Variants in CNTN1 observed in about 807,000 individuals in gnomAD.
CNTN1 encodes the protein contactin 1, also known as contactin-1.
Under a neutral mutation model 126.4 loss-of-function variants are expected in CNTN1, and 38 were observed. The observed-to-expected ratio is 0.30, with a 90% CI of 0.23 to 0.39. CNTN1 has a LOEUF of 0.39. Ranked by LOEUF, CNTN1 falls within the 10% of genes least tolerant of loss-of-function variation. The pLI is 1.00. For missense variants in CNTN1, 1,009 were observed against 1,248.4 expected (o/e 0.81, Z 2.89); for synonymous variants, 413 against 422.6 (o/e 0.98, Z 0.28).
chr12:40,952,013 A>T (rs1946707980), intron 14 of CNTN1, among the ~76,000 whole-genome samples: 1 of 152,144 alleles, frequency 6.6e-6, no homozygotes, highest in East Asian at 1.9e-4. Context: ...TGGCTGGTTT[A>T]TAGATGGTGA....
intron 23 of CNTN1, among the ~76,000 whole-genome samples, chr12:41,049,889 T>G (rs1949632731): frequency 6.6e-6 from 1 of 152,210 alleles, no homozygotes. Context: ...ATTTAACTAA[T>G]TAAGATGTCT....
chr12:40,789,935 A>G (rs1471809299), intron 1 of CNTN1, among the ~76,000 whole-genome samples: 1 of 152,208 alleles, frequency 6.6e-6, no homozygotes, highest in Non-Finnish European at 1.5e-5. Flanking sequence ...CTTACTTTTT[A>G]GATTTACACC....
intron 1 of CNTN1, among the ~76,000 whole-genome samples, chr12:40,863,814 T>C (rs555077768): frequency 6.6e-6 from 1 of 151,986 alleles, no homozygotes; most frequent in African/African-American, 2.4e-5. Context: ...GTGGAAAAAT[T>C]GTCTTCCACA....
At chr12:40,850,637 T>C (rs945726285) in intron 1 of CNTN1, among the ~76,000 whole-genome samples, 5 of 152,154 alleles carry the variant, frequency 3.3e-5, no homozygotes, top group Non-Finnish European at 7.4e-5. Context: ...AGCGATGATA[T>C]TAAAATATGA....
chr12:40,900,933 G>A (rs1944579829), intron 1 of CNTN1, among the ~76,000 whole-genome samples: 3 of 152,200 alleles, frequency 2.0e-5, no homozygotes, highest in Admixed American at 6.5e-5. Context: ...CTCTGTTGTC[G>A]ATGATTTACA....
At chr12:40,994,190 C>T (rs1356476322) in intron 17 of CNTN1, among the ~76,000 whole-genome samples, 1 of 151,864 alleles carries the variant, frequency 6.6e-6, no homozygotes, top group African/African-American at 2.4e-5. Context: ...CAACAAAATT[C>T]CAAGAAAGAA....
intron 17 of CNTN1, among the ~76,000 whole-genome samples, chr12:41,010,861 G>T (rs1457105377): frequency 1.4e-5 from 2 of 145,480 alleles, no homozygotes; most frequent in South Asian, 2.1e-4. Flanking sequence ...TCCAACTAGG[G>T]TTTGTTTTTT....
intron 1 of CNTN1, among the ~76,000 whole-genome samples, chr12:40,765,278 G>T (rs541534297): frequency 1.3e-5 from 2 of 152,188 alleles, no homozygotes; most frequent in East Asian, 1.9e-4. Context: ...AAAGGAACAG[G>T]TTCGAGTAAT....
At chr12:40,822,127 C>T (rs1455358447) in intron 1 of CNTN1, among the ~76,000 whole-genome samples, 2 of 136,816 alleles carry the variant, frequency 1.5e-5, no homozygotes, top group Non-Finnish European at 3.2e-5. Flanking sequence ...TTATAATTTC[C>T]AGTCTAGACA....
chr12:40,853,673 C>T (rs1284509485), intron 1 of CNTN1, among the ~76,000 whole-genome samples: 1 of 151,206 alleles, frequency 6.6e-6, no homozygotes, highest in African/African-American at 2.4e-5. Flanking sequence ...CCTTTTTTTT[C>T]CCCCTATAGA....
At chr12:40,847,881 A>T (rs188665534) in intron 1 of CNTN1, among the ~76,000 whole-genome samples, 12 of 152,320 alleles carry the variant, frequency 7.9e-5, no homozygotes, top group African/African-American at 9.6e-5. Context: ...AAACTGTTCC[A>T]CCTCAGATCA....
At position 40,923,626 on chromosome 12, in the gene CNTN1, G is replaced by A. The variant is rs144684248; in HGVS notation, c.401-931G>A. Among the ~76,000 whole-genome samples, 186 of 152,234 alleles carry A rather than the reference G, an allele frequency of 1.2e-3. 2 individuals are homozygous for A. In the East Asian group the frequency reaches 0.018, roughly 15 times the overall value. On this transcript the variant is annotated intron_variant, in intron 5 of 23. Coordinates refer to ENST00000551295, the MANE Select transcript of CNTN1 (RefSeq NM_001843.4). ...TGTTCTCATTAATAATGGGATGGGA[G>A]CAAGAAAAACCAATTTCAAGGATGG...
intron 1 of CNTN1, among the ~76,000 whole-genome samples, chr12:40,828,584 A>G (rs2136542686): frequency 6.6e-6 from 1 of 152,292 alleles, no homozygotes; most frequent in Non-Finnish European, 1.5e-5. Context: ...GAATGAGCTG[A>G]ATCAATAAGT....
chr12:41,044,887 G>A (rs1267815020), intron 23 of CNTN1, among the ~76,000 whole-genome samples: 1 of 151,986 alleles, frequency 6.6e-6, no homozygotes, highest in Non-Finnish European at 1.5e-5. Flanking sequence ...AAAAAGTAAT[G>A]TGTTTCTCTT....
rs888522445 is a variant in CNTN1, at chr12:41,070,366, G to C, written c.*331G>C. The C allele has an allele frequency of 9.9e-5, 37 of 374,586 alleles. No individual in the cohort carries two copies. Among genetic ancestry groups the C allele is most frequent in the Middle Eastern group, 8.3e-4 (1 of 1,212 alleles). 23.2% of individuals were successfully genotyped at this position (374,586 alleles called of 1,614,324 possible). The stretch of plus-strand genomic sequence containing the variant: ...AATTCAATACTATAGGCTGTAGAGT[G>C]AAAGTCAAATCACCATATACAGGTG... On this transcript the variant is annotated 3_prime_UTR_variant, in exon 24 of 24. Coordinates refer to ENST00000551295, the MANE Select transcript of CNTN1 (RefSeq NM_001843.4).
intron 17 of CNTN1, among the ~76,000 whole-genome samples, chr12:40,999,415 T>C (rs950534749): frequency 7.2e-5 from 11 of 152,182 alleles, no homozygotes; most frequent in African/African-American, 2.2e-4. Flanking sequence ...AGCCTAAACT[T>C]AAGCTTCCTT....
chr12:41,064,152 CGACTGAGTGA>C, intron 23 of CNTN1, among the ~76,000 whole-genome samples: 1 of 140,862 alleles, frequency 7.1e-6, no homozygotes, highest in African/African-American at 2.7e-5. Context: ...GCAGCCTGGG[CGACTGAGTGA>C]GACTCCATCT....
intron 3 of CNTN1, among the ~76,000 whole-genome samples, chr12:40,917,728 T>C (rs75556782): frequency 1.9e-4 from 29 of 152,228 alleles, no homozygotes; most frequent in African/African-American, 7.0e-4. Flanking sequence ...CACTGTGCTC[T>C]CTAAATGCTG....
chr12:40,972,408 C>A (rs185322143), intron 15 of CNTN1: 2 of 983,450 alleles, frequency 2.0e-6, no homozygotes, highest in Non-Finnish European at 1.2e-6. Context: ...TATTCCTTCA[C>A]AATAAATAAT....
Sources: gnomAD v4.1 joint callset for allele counts (sites outside exome capture counted in the v4.1 genomes callset) on GRCh38, gnomAD v4.1.1 for gene constraint, MANE v1.5 for transcripts, NCBI Gene and HGNC (gene_info 2026-07-23, HGNC 2026-07-21) for gene names.